BNC1: variants seen among roughly 807,000 people sequenced by gnomAD.
The protein encoded by BNC1 is basonuclin zinc finger protein 1, also known as zinc finger protein basonuclin-1.
A neutral mutation model predicts 66.5 loss-of-function variants in BNC1; 8 were observed. The ratio of observed to expected loss-of-function variants is 0.12; its 90% CI spans 0.07 to 0.22. BNC1 has a LOEUF of 0.22. Ranked by LOEUF, BNC1 falls within the 10% of genes least tolerant of loss-of-function variation. The pLI is 1.00. For synonymous variants in BNC1, 454 were observed against 452.6 expected (o/e 1.00, Z -0.04); for missense variants, 1,069 against 1,241.3 (o/e 0.86, Z 2.09).
At position 83,264,418 on chromosome 15, in the gene BNC1, T is replaced by C; in HGVS notation, c.833A>G (p.Gln278Arg). ...GTCAGGGAAGGGCCCATGGACTTCC[T>C]GTTTGGGGTCCTGACTTTGGTCATG... ...QGHDQSQDPK[Q>R]EVHGPFPDSS... The change falls in exon 4 of 5, where the codon CAG becomes CGG. Residue 278 changes from glutamine (Q) to arginine (R), a missense_variant. This residue lies in a region of BNC1 where 181 missense variants were observed against 181.5 expected (regional missense o/e 1.00). Transcript: ENST00000345382. 6.2e-7 allele frequency: 1 copy of C among 1,614,216 alleles called. No homozygotes were observed. The highest frequency in any genetic ancestry group is 8.5e-7 in the Non-Finnish European group (1 of 1,180,036).
At chr15:83,258,289 C>T (rs1254670217) in intron 4 of BNC1, among the ~76,000 whole-genome samples, 163 bp from the exon 5 acceptor site, 1 of 152,340 alleles carries the variant, frequency 6.6e-6, no homozygotes, top group East Asian at 1.9e-4. Flanking sequence ...CTGGTGGATA[C>T]AGACCCACTG....
intron 3 of BNC1, among the ~76,000 whole-genome samples, chr15:83,265,745 C>T (rs1420040894): frequency 6.6e-6 from 1 of 152,116 alleles, no homozygotes; most frequent in Non-Finnish European, 1.5e-5. Flanking sequence ...AATTCTGGGT[C>T]TGCCACATAC....
intron 1 of BNC1, among the ~76,000 whole-genome samples, chr15:83,271,621 T>C (rs1341046373): frequency 6.6e-6 from 1 of 152,210 alleles, no homozygotes; most frequent in African/African-American, 2.4e-5. Flanking sequence ...AAAGAATTAC[T>C]CTATGTATAA....
chr15:83,275,811 G>C (rs762133732), intron 1 of BNC1, among the ~76,000 whole-genome samples: 17 of 152,162 alleles, frequency 1.1e-4, no homozygotes, highest in Admixed American at 4.6e-4. Context: ...ATGAGAATAA[G>C]ACAGGTGTCA....
At chr15:83,267,115 T>C in intron 2 of BNC1, 44 bp from the exon 3 acceptor site, 2 of 1,516,756 alleles carry the variant, frequency 1.3e-6, no homozygotes, top group Non-Finnish European at 1.8e-6. Context: ...AAAGTTCTAA[T>C]TGTAAGAGAA....
intron 3 of BNC1, among the ~76,000 whole-genome samples, chr15:83,265,795 GTC>G (rs1250706639): frequency 6.6e-6 from 1 of 152,152 alleles, no homozygotes; most frequent in African/African-American, 2.4e-5. Context: ...GGCACTCTAA[GTC>G]TCTGGTTTTT....
At position 83,256,530 on chromosome 15, in the gene BNC1, T is replaced by C. The variant is rs2038075966; in HGVS notation, c.*912A>G. ...GAACCACATTATCTACGGCAGAATA[T>C]GTACAAATGTTCCTGCCAAAATCAT... On this transcript the variant is annotated 3_prime_UTR_variant, in exon 5 of 5. Coordinates refer to ENST00000345382, the MANE Select transcript of BNC1 (RefSeq NM_001717.4). 1 of 152,444 alleles carries C rather than the reference T, an allele frequency of 6.6e-6. No individual in the cohort carries two copies. The highest frequency in any genetic ancestry group is 1.5e-5 in the Non-Finnish European group (1 of 68,032). The allele number at this position is 152,444 out of a possible 1,614,324, so 9.4% of individuals were successfully genotyped here. A position where few individuals can be genotyped will look rare whatever the true frequency, so the allele number is the denominator to read the frequency against.
Position 83,267,035 on chromosome 15 carries a change from G to A in BNC1, c.236C>T (p.Thr79Ile). Residue 79 changes from threonine to isoleucine, a missense_variant, in exon 3 of 5, where the codon ACA (threonine) becomes ATA (isoleucine). Around this residue, in one of 7 missense-constraint regions of BNC1, gnomAD observed 30 missense variants for 20.2 expected, o/e 1.49. Transcript: ENST00000345382. ...SKLRIPPMYP[T>I]SQVEIVQSNV... Reference sequence around the variant, plus strand: ...GGACTGGACAATCTCCACCTGGCTTGTTGGATACATGGGGGGGATCCTTAG... The same window carrying A: ...GGACTGGACAATCTCCACCTGGCTTATTGGATACATGGGGGGGATCCTTAG... The A allele has an allele frequency of 6.2e-7, 1 of 1,614,068 alleles. No homozygotes were observed. Among genetic ancestry groups the A allele is most frequent in the South Asian group, 1.1e-5 (1 of 91,064 alleles).
At chr15:83,277,568 C>T (rs1400730396) in intron 1 of BNC1, among the ~76,000 whole-genome samples, 3 of 152,196 alleles carry the variant, frequency 2.0e-5, no homozygotes, top group Admixed American at 1.3e-4. Flanking sequence ...TTCGGCCTCC[C>T]AATGTGCTGG....
chr15:83,266,809 G>T (rs760989650), intron 3 of BNC1, 27 bp downstream of exon 3: 1 of 1,600,166 alleles, frequency 6.2e-7, no homozygotes, highest in Non-Finnish European at 8.6e-7. Flanking sequence ...AAGCACCCTA[G>T]GAGGACAATG....
chr15:83,283,369 G>A (rs1331103298), intron 1 of BNC1: 4 of 1,388,536 alleles, frequency 2.9e-6, no homozygotes, highest in Admixed American at 2.8e-5. Context: ...CTCCGGAGGA[G>A]CAGCGGGAGA....
In BNC1 at chr15:83,263,516, C is replaced by T; in HGVS notation, c.1735G>A (p.Ala579Thr). The change falls in exon 4 of 5, where the codon GCC becomes ACC. Residue 579 changes from alanine (A) to threonine (T), a missense_variant. Ala to Thr is a moderately conservative substitution (Grantham distance 58). This residue lies in a region of BNC1 where 657 missense variants were observed against 715.8 expected (regional missense o/e 0.92). Coordinates refer to ENST00000345382, the MANE Select transcript of BNC1 (RefSeq NM_001717.4). The part of the protein sequence containing the change: ...LQVVSEDEQE[A>T]CSPQSHRVSE... ...ACTCTGTGTGACTGAGGACTGCAGG[C>T]CTCCTGCTCATCTTCACTGACCACC... 1 of 1,614,264 alleles carries T rather than the reference C, an allele frequency of 6.2e-7. No homozygotes were observed. The highest frequency in any genetic ancestry group is 8.5e-7 in the Non-Finnish European group (1 of 1,180,048).
In BNC1 at chr15:83,256,364, A is replaced by G. The variant is rs1035294804; in HGVS notation, c.*1078T>C. Reference sequence around the variant, plus strand: ...TGGAATATATTTCCGAATAAGTTAAATATTAAGACATACAATATGGCAATA... The same window carrying G: ...TGGAATATATTTCCGAATAAGTTAAGTATTAAGACATACAATATGGCAATA... On this transcript the variant is annotated 3_prime_UTR_variant, in exon 5 of 5. Coordinates refer to ENST00000345382, the MANE Select transcript of BNC1 (RefSeq NM_001717.4). 2.0e-5 allele frequency: 3 copies of G among 152,656 alleles called. No homozygotes were observed. The highest frequency in any genetic ancestry group is 7.2e-5 in the African/African-American group (3 of 41,448). The allele number at this position is 152,656 out of a possible 1,614,324, so 9.5% of individuals were successfully genotyped here.
At chr15:83,259,349 T>A (rs1283698364) in intron 4 of BNC1, among the ~76,000 whole-genome samples, 1 of 152,188 alleles carries the variant, frequency 6.6e-6, no homozygotes, top group Non-Finnish European at 1.5e-5. Flanking sequence ...CAGAGTCAAG[T>A]TGGGAAAACA....
chr15:83,264,368 T>C lies in BNC1; in HGVS notation c.883A>G (p.Thr295Ala), dbSNP rs769867860. The change falls in exon 4 of 5, where the codon ACA becomes GCA. Residue 295 changes from threonine (T) to alanine (A), a missense_variant. Thr to Ala is a moderately conservative substitution (Grantham distance 58). Coordinates refer to ENST00000345382, the MANE Select transcript of BNC1 (RefSeq NM_001717.4). Reference protein sequence around the residue: ...PDSSFLTSSSTPFQVEKDQCL... With the variant: ...PDSSFLTSSSAPFQVEKDQCL... ...TGATCTTTTTCAACCTGAAATGGTGTGGAACTGGAAGTTAAGAAGCTGCTG... is the reference window on the plus strand; with the variant it reads ...TGATCTTTTTCAACCTGAAATGGTGCGGAACTGGAAGTTAAGAAGCTGCTG... 1 of 1,614,138 alleles carries C rather than the reference T, an allele frequency of 6.2e-7. No individual in the cohort carries two copies. The highest frequency in any genetic ancestry group is 8.5e-7 in the Non-Finnish European group (1 of 1,180,030).
At chr15:83,261,610 C>T (rs2038140922) in intron 4 of BNC1, among the ~76,000 whole-genome samples, 1 of 152,124 alleles carries the variant, frequency 6.6e-6, no homozygotes, top group African/African-American at 2.4e-5. Flanking sequence ...GGAAGGTGAC[C>T]TGAAGAGTGG....
chr15:83,257,284 T>G lies in BNC1; in HGVS notation c.*158A>C, dbSNP rs769192834. The G allele has an allele frequency of 2.4e-6, 2 of 832,418 alleles. No individual in the cohort carries two copies. The highest frequency in any genetic ancestry group is 2.6e-5 in the East Asian group (1 of 37,946). 51.6% of individuals were successfully genotyped at this position (832,418 alleles called of 1,614,324 possible). A position where few individuals can be genotyped will look rare whatever the true frequency, so the allele number is the denominator to read the frequency against. ...CCCCAGTGTCATCTTCCCACGAGGT[T>G]TGTCTTTTGCTCATTGTGCTGTGGA... On this transcript the variant is annotated 3_prime_UTR_variant, in exon 5 of 5. Transcript: ENST00000345382.
chr15:83,277,367 T>C (rs2038334221), intron 1 of BNC1, among the ~76,000 whole-genome samples: 1 of 152,148 alleles, frequency 6.6e-6, no homozygotes, highest in Admixed American at 6.5e-5. Context: ...TGGAGTGCTG[T>C]GGTGGGATCT....
At chr15:83,264,976 G>T (rs2038200483) in intron 3 of BNC1, among the ~76,000 whole-genome samples, 161 bp from the exon 4 acceptor site, 1 of 152,160 alleles carries the variant, frequency 6.6e-6, no homozygotes, top group Non-Finnish European at 1.5e-5. Flanking sequence ...TACTCTCCCA[G>T]GCCAGAAGCT....
Sources: allele counts gnomAD v4.1 joint callset (sites outside exome capture counted in the v4.1 genomes callset), GRCh38; gene constraint gnomAD v4.1.1; regional missense constraint gnomAD v4.1.1; transcripts MANE v1.5; gene names NCBI Gene and HGNC (gene_info 2026-07-23, HGNC 2026-07-21).